Variants in HHLA2 observed in about 807,000 individuals in gnomAD.
The protein encoded by HHLA2 is HERV-H LTR-associating protein 2.
A neutral mutation model predicts 45.9 loss-of-function variants in HHLA2; 48 were observed. The observed-to-expected ratio is 1.05, with a 90% CI of 0.83 to 1.33. The LOEUF is 1.33. HHLA2 is among the 40% of genes most tolerant of loss of function. HHLA2 has a pLI of 0.00. For missense variants in HHLA2, 462 were observed against 494.3 expected (o/e 0.93, Z 0.62); for synonymous variants, 161 against 173.9 (o/e 0.93, Z 0.59).
At chr3:108,328,868 A>G (rs1378286761) in intron 3 of HHLA2, among the ~76,000 whole-genome samples, 1 of 152,132 alleles carries the variant, frequency 6.6e-6, no homozygotes, top group Non-Finnish European at 1.5e-5. Flanking sequence ...CAGAATTGGG[A>G]GGAGGCGGAA....
intron 3 of HHLA2, among the ~76,000 whole-genome samples, chr3:108,335,202 A>G (rs1428859343): frequency 1.3e-5 from 2 of 152,210 alleles, no homozygotes; most frequent in African/African-American, 4.8e-5. Context: ...TCCACAAGAA[A>G]GACAGGGACA....
At chr3:108,365,190 G>A (rs888582018) in intron 8 of HHLA2, among the ~76,000 whole-genome samples, 1 of 152,120 alleles carries the variant, frequency 6.6e-6, no homozygotes, top group Non-Finnish European at 1.5e-5. Flanking sequence ...GTAAGGAAGG[G>A]GTCTAGCTTC....
At chr3:108,300,352 A>C (rs17830546) in intron 1 of HHLA2, among the ~76,000 whole-genome samples, 31,092 of 152,080 alleles carry the variant, frequency 0.2, 4,305 homozygotes, top group Non-Finnish European at 0.29. Flanking sequence ...TGTTTCATAG[A>C]AAGGATTTCA....
At chr3:108,338,400 G>T (rs1425988948) in intron 3 of HHLA2, among the ~76,000 whole-genome samples, 1 of 152,034 alleles carries the variant, frequency 6.6e-6, no homozygotes, top group Non-Finnish European at 1.5e-5. Context: ...GCAGGTTACT[G>T]GGGAAGTTTG....
At chr3:108,344,296 T>C (rs113790653) in intron 3 of HHLA2, among the ~76,000 whole-genome samples, 3 of 152,166 alleles carry the variant, frequency 2.0e-5, no homozygotes, top group African/African-American at 7.2e-5. Flanking sequence ...TGCATTCAAA[T>C]ATGTACAAAA....
At chr3:108,361,187 A>G (rs1432946620) in intron 7 of HHLA2, among the ~76,000 whole-genome samples, 7 of 152,232 alleles carry the variant, frequency 4.6e-5, no homozygotes, top group African/African-American at 1.4e-4. Context: ...AAACACTATC[A>G]GCAGGTCCTC....
intron 7 of HHLA2, among the ~76,000 whole-genome samples, chr3:108,358,439 A>C (rs2081935336): frequency 6.6e-6 from 1 of 152,106 alleles, no homozygotes; most frequent in Non-Finnish European, 1.5e-5. Context: ...CCATGCGCTG[A>C]GCATCTTCCA....
intron 2 of HHLA2, among the ~76,000 whole-genome samples, chr3:108,323,403 T>C (rs766560236): frequency 6.6e-6 from 1 of 152,092 alleles, no homozygotes; most frequent in Non-Finnish European, 1.5e-5. Flanking sequence ...ATATACCTAC[T>C]GTGTACCCAT....
intron 2 of HHLA2, among the ~76,000 whole-genome samples, chr3:108,316,692 T>G (rs965365895): frequency 6.6e-6 from 1 of 152,208 alleles, no homozygotes; most frequent in Non-Finnish European, 1.5e-5. Flanking sequence ...AGAAAAAATG[T>G]GGATTTAGGT....
chr3:108,299,697 G>C (rs1192214884), intron 1 of HHLA2, among the ~76,000 whole-genome samples: 1 of 152,162 alleles, frequency 6.6e-6, no homozygotes, highest in Admixed American at 6.6e-5. Flanking sequence ...AGAAAACTCA[G>C]ATGACCCAAG....
At chr3:108,324,450 A>G (rs1214830472) in intron 2 of HHLA2, among the ~76,000 whole-genome samples, 2 of 152,172 alleles carry the variant, frequency 1.3e-5, no homozygotes, top group African/African-American at 2.4e-5. Flanking sequence ...AGAAGTGCAC[A>G]AAACATAGCT....
chr3:108,322,317 T>G (rs985886087), intron 2 of HHLA2, among the ~76,000 whole-genome samples: 3 of 152,232 alleles, frequency 2.0e-5, no homozygotes, highest in African/African-American at 7.2e-5. Flanking sequence ...AATCTGTGCC[T>G]GGACCATCAA....
intron 3 of HHLA2, among the ~76,000 whole-genome samples, chr3:108,344,231 T>C (rs953368739): frequency 6.6e-6 from 1 of 151,966 alleles, no homozygotes; most frequent in African/African-American, 2.4e-5. Context: ...ATTTAATCAA[T>C]AATGCATTAT....
At chr3:108,339,912 A>C (rs2081536580) in intron 3 of HHLA2, among the ~76,000 whole-genome samples, 1 of 152,180 alleles carries the variant, frequency 6.6e-6, no homozygotes, top group Non-Finnish European at 1.5e-5. Flanking sequence ...AAATAGTTTC[A>C]GGATTGGTAA....
chr3:108,326,902 T>C (rs1484445830), intron 2 of HHLA2: 3 of 152,216 alleles, frequency 2.0e-5, no homozygotes, highest in Non-Finnish European at 2.9e-5. Flanking sequence ...ATTTGCCCTA[T>C]ATTCATAGCT....
At chr3:108,355,142 A>G (rs760394191) in exon 6 of HHLA2, 20 of 1,613,196 alleles carry the variant, frequency 1.2e-5, no homozygotes, top group East Asian at 2.2e-5. Context: ...ATGAAGTATG[A>G]AAAGAGGAAC....
intron 8 of HHLA2, among the ~76,000 whole-genome samples, chr3:108,374,545 C>T (rs1314806846): frequency 6.6e-6 from 1 of 151,030 alleles, no homozygotes; most frequent in Non-Finnish European, 1.5e-5. Flanking sequence ...AACAGGCAAC[C>T]TACAGAATGG....
At chr3:108,325,949 G>T in intron 2 of HHLA2, 1 of 375,716 alleles carries the variant, frequency 2.7e-6, no homozygotes, top group South Asian at 2.5e-5. Context: ...GCCATTCACA[G>T]GATGGTATTT....
At chr3:108,337,885 T>C (rs2081501510) in intron 3 of HHLA2, among the ~76,000 whole-genome samples, 1 of 152,168 alleles carries the variant, frequency 6.6e-6, no homozygotes. Flanking sequence ...TATTTGTTGC[T>C]TGTCACTAAA....
Sources: gnomAD v4.1 joint callset for allele counts (sites outside exome capture counted in the v4.1 genomes callset) on GRCh38, gnomAD v4.1.1 for gene constraint, MANE v1.5 for transcripts, NCBI Gene and HGNC (gene_info 2026-07-23, HGNC 2026-07-21) for gene names.